Variants in DNM3 observed in about 807,000 individuals in gnomAD.
DNM3 encodes dynamin-3.
In DNM3, 47 loss-of-function variants were observed where a neutral mutation model predicts 101.6. That is an observed-to-expected ratio of 0.46 (90% CI 0.37 to 0.59). DNM3 has a LOEUF of 0.59. DNM3 is among the 20% of genes least tolerant of loss of function. The probability of loss-of-function intolerance (pLI) is 0.00; values close to 1 mark genes in which losing one functional copy is unlikely to be tolerated. For synonymous variants in DNM3, 385 were observed against 387.9 expected, an observed-to-expected ratio of 0.99 and a Z score of 0.09; for missense variants, 849 against 1,085.7, an observed-to-expected ratio of 0.78 and a Z score of 3.06.
At chr1:172,241,517 A>G (rs1372797119) in intron 14 of DNM3, among the ~76,000 whole-genome samples, 1 of 152,122 alleles carries the variant, frequency 6.6e-6, no homozygotes, top group African/African-American at 2.4e-5. Flanking sequence ...TCAACCACAG[A>G]ATCAACTCTA....
chr1:172,007,290 C>T (rs2046760934), intron 4 of DNM3, among the ~76,000 whole-genome samples: 1 of 152,142 alleles, frequency 6.6e-6, no homozygotes, highest in Non-Finnish European at 1.5e-5. Flanking sequence ...TCCACATTCT[C>T]ACCAACACTT....
At chr1:172,040,300 T>C (rs947843313) in intron 7 of DNM3, among the ~76,000 whole-genome samples, 8 of 152,176 alleles carry the variant, frequency 5.3e-5, no homozygotes, top group African/African-American at 1.9e-4. Context: ...TCTAGCTTCT[T>C]TGGCCTAAAT....
chr1:172,003,210 G>A (rs2046461146), intron 4 of DNM3, among the ~76,000 whole-genome samples: 1 of 151,856 alleles, frequency 6.6e-6, no homozygotes, highest in Non-Finnish European at 1.5e-5. Context: ...TGACTTTAGT[G>A]TTACAGAATA....
chr1:171,940,780 CTT>C (rs764238030), intron 2 of DNM3, among the ~76,000 whole-genome samples: 29 of 152,080 alleles, frequency 1.9e-4, no homozygotes, highest in Non-Finnish European at 3.7e-4. Flanking sequence ...ATATACCTGA[CTT>C]TTCATCATTG....
At chr1:172,326,243 GAA>G (rs66774735) in intron 17 of DNM3, among the ~76,000 whole-genome samples, 21 of 151,414 alleles carry the variant, frequency 1.4e-4, no homozygotes, top group Non-Finnish European at 2.2e-4. Context: ...AGTTGCTCAG[GAA>G]AAATTTTCCT....
chr1:172,239,954 C>T (rs937332913), intron 14 of DNM3, among the ~76,000 whole-genome samples: 4 of 151,976 alleles, frequency 2.6e-5, no homozygotes, highest in South Asian at 2.1e-4. Flanking sequence ...GCACAGACCA[C>T]CAGCTGTGCT....
intron 18 of DNM3, among the ~76,000 whole-genome samples, chr1:172,382,452 A>G (rs2068962221): frequency 6.6e-6 from 1 of 152,170 alleles, no homozygotes; most frequent in Non-Finnish European, 1.5e-5. Flanking sequence ...CACATGTTGG[A>G]TACCCATTAT....
chr1:172,154,833 T>C (rs2148252519), intron 14 of DNM3, among the ~76,000 whole-genome samples: 1 of 152,178 alleles, frequency 6.6e-6, no homozygotes, highest in Non-Finnish European at 1.5e-5. Context: ...TTCTAGTCTT[T>C]GGTAGGCAGA....
intron 17 of DNM3, among the ~76,000 whole-genome samples, chr1:172,324,511 C>A (rs1331735598): frequency 1.3e-5 from 2 of 151,840 alleles, no homozygotes; most frequent in Non-Finnish European, 2.9e-5. Context: ...AAAGTATTAC[C>A]AGAAAAGCAC....
chr1:171,894,790 A>C (rs1294748537), intron 1 of DNM3, among the ~76,000 whole-genome samples: 3 of 117,620 alleles, frequency 2.6e-5, no homozygotes, highest in Non-Finnish European at 5.4e-5. Flanking sequence ...CCTGTGTCCA[A>C]GTGTTCTCGT....
intron 4 of DNM3, among the ~76,000 whole-genome samples, chr1:171,996,320 G>A (rs1419682628): frequency 2.0e-5 from 3 of 152,210 alleles, no homozygotes; most frequent in South Asian, 2.1e-4. Flanking sequence ...ATTTTTCTCT[G>A]TATAGTGGTC....
At chr1:172,376,735 A>G (rs2068622917) in intron 17 of DNM3, 1 of 152,080 alleles carries the variant, frequency 6.6e-6, no homozygotes, top group Non-Finnish European at 1.5e-5. Flanking sequence ...ATGTCACTAC[A>G]TGTCTGCAAG....
intron 1 of DNM3, among the ~76,000 whole-genome samples, chr1:171,880,362 C>G (rs575031250): frequency 6.6e-6 from 1 of 152,292 alleles, no homozygotes; most frequent in East Asian, 1.9e-4. Context: ...TCAGGTATCT[C>G]TATGTATTTG....
chr1:172,061,187 G>C (rs1208631786), intron 10 of DNM3, among the ~76,000 whole-genome samples: 1 of 151,156 alleles, frequency 6.6e-6, no homozygotes, highest in Non-Finnish European at 1.5e-5. Flanking sequence ...TCATTAAAAA[G>C]TCAGGAAACA....
chr1:172,412,515 A>G lies in DNM3; in HGVS notation c.*4674A>G, dbSNP rs570831092. ...AAGTAAAATCTTGTCTTCTCTGCTGATTCTTTAATTAATATGAGCCGGATA... is the reference window on the plus strand; with the variant it reads ...AAGTAAAATCTTGTCTTCTCTGCTGGTTCTTTAATTAATATGAGCCGGATA... On this transcript the variant is annotated 3_prime_UTR_variant, in exon 21 of 21. Coordinates refer to ENST00000627582, the MANE Select transcript of DNM3 (RefSeq NM_015569.5). The G allele has an allele frequency of 1.2e-4, 120 of 985,676 alleles. No individual in the cohort carries two copies. The African/African-American group carries it at 2.0e-3, about 16-fold the overall frequency. 61.1% of individuals were successfully genotyped at this position (985,676 alleles called of 1,614,324 possible).
At chr1:172,120,748 C>A (rs1446912308) in intron 13 of DNM3, among the ~76,000 whole-genome samples, 1 of 152,190 alleles carries the variant, frequency 6.6e-6, no homozygotes, top group Admixed American at 6.5e-5. Context: ...CACTTCTTGG[C>A]AGCACCAACC....
intron 14 of DNM3, among the ~76,000 whole-genome samples, chr1:172,222,202 T>C (rs1035214170): frequency 6.6e-6 from 1 of 152,168 alleles, no homozygotes; most frequent in African/African-American, 2.4e-5. Context: ...GAAAGAAACA[T>C]GGCCACTTGC....
chr1:172,269,178 T>A (rs1416382986), intron 15 of DNM3, among the ~76,000 whole-genome samples: 1 of 152,234 alleles, frequency 6.6e-6, no homozygotes, highest in African/African-American at 2.4e-5. Context: ...GTCCAAAGAC[T>A]GTGTTGATGA....
At chr1:172,111,186 T>C (rs988041975) in intron 13 of DNM3, among the ~76,000 whole-genome samples, 2 of 152,248 alleles carry the variant, frequency 1.3e-5, no homozygotes, top group Non-Finnish European at 2.9e-5. Flanking sequence ...TAGCAGATGC[T>C]ATTGTTGCTT....
Sources: gnomAD v4.1 joint callset for allele counts (sites outside exome capture counted in the v4.1 genomes callset) on GRCh38, gnomAD v4.1.1 for gene constraint, MANE v1.5 for transcripts, NCBI Gene and HGNC (gene_info 2026-07-23, HGNC 2026-07-21) for gene names.